Variants in CFAP299 observed in about 807,000 individuals in gnomAD.
CFAP299 encodes cilia- and flagella-associated protein 299.
CFAP299 carries 21 observed loss-of-function variants against 27.0 expected under a neutral mutation model. The ratio of observed to expected loss-of-function variants is 0.78; its 90% CI spans 0.55 to 1.12. The LOEUF (loss-of-function observed/expected upper bound fraction) is 1.12. Ranked by LOEUF, CFAP299 falls within the 50% of genes most tolerant of loss-of-function variation. The pLI is 0.00. For missense variants in CFAP299, 310 were observed against 276.6 expected, an observed-to-expected ratio of 1.12 and a Z score of -0.86; for synonymous variants, 104 against 98.1, an observed-to-expected ratio of 1.06 and a Z score of -0.36.
intron 2 of CFAP299, among the ~76,000 whole-genome samples, chr4:80,456,567 A>G (rs1194827174): frequency 6.6e-6 from 1 of 152,194 alleles, no homozygotes; most frequent in African/African-American, 2.4e-5. Context: ...AAGATGACTC[A>G]AGGATGACTT....
At chr4:80,943,670 A>G (rs1234199953) in intron 4 of CFAP299, among the ~76,000 whole-genome samples, 2 of 152,102 alleles carry the variant, frequency 1.3e-5, no homozygotes, top group East Asian at 1.9e-4. Flanking sequence ...ATAAGTGTAA[A>G]TATATTGAGG....
intron 2 of CFAP299, among the ~76,000 whole-genome samples, chr4:80,414,530 A>G (rs371556167): frequency 1.2e-4 from 19 of 152,356 alleles, no homozygotes; most frequent in African/African-American, 3.1e-4. Flanking sequence ...AGTTTAAGGA[A>G]TAAAATGAAG....
intron 3 of CFAP299, among the ~76,000 whole-genome samples, chr4:80,845,577 C>T (rs1034845494): frequency 2.0e-5 from 3 of 152,132 alleles, no homozygotes; most frequent in African/African-American, 7.2e-5. Flanking sequence ...AGAGTACTTG[C>T]TATTCCCTTT....
chr4:80,516,082 G>A (rs997693208), intron 2 of CFAP299, among the ~76,000 whole-genome samples: 56 of 146,986 alleles, frequency 3.8e-4, no homozygotes, highest in Middle Eastern at 3.5e-3. Flanking sequence ...GTGCAGTGGC[G>A]TGATCTTGGC....
chr4:80,913,994 G>A (rs1467590996), intron 4 of CFAP299, among the ~76,000 whole-genome samples: 2 of 152,080 alleles, frequency 1.3e-5, no homozygotes, highest in Non-Finnish European at 2.9e-5. Flanking sequence ...TAATGCTTTT[G>A]AGAGTCATCC....
chr4:80,448,832 T>C (rs921698788), intron 2 of CFAP299, among the ~76,000 whole-genome samples: 1 of 152,188 alleles, frequency 6.6e-6, no homozygotes, highest in African/African-American at 2.4e-5. Context: ...AATTATGACA[T>C]ATGCAATATA....
intron 3 of CFAP299, among the ~76,000 whole-genome samples, chr4:80,728,577 C>T (rs990379360): frequency 2.0e-5 from 3 of 152,258 alleles, no homozygotes; most frequent in Admixed American, 2.0e-4. Flanking sequence ...ATTAACCAAT[C>T]CAGAAGCCTG....
intron 2 of CFAP299, among the ~76,000 whole-genome samples, chr4:80,430,545 A>T (rs1727760716): frequency 6.6e-6 from 1 of 152,206 alleles, no homozygotes; most frequent in South Asian, 2.1e-4. Context: ...GGTCACAAGG[A>T]TGTTTGATTA....
At chr4:80,413,849 A>T (rs1726859372) in intron 2 of CFAP299, among the ~76,000 whole-genome samples, 1 of 142,722 alleles carries the variant, frequency 7.0e-6, no homozygotes, top group African/African-American at 2.6e-5. Flanking sequence ...CTTTCTGTCC[A>T]AGCAGTTAGA....
intron 3 of CFAP299, among the ~76,000 whole-genome samples, chr4:80,842,864 G>GTATT (rs1730939844): frequency 6.6e-6 from 1 of 152,080 alleles, no homozygotes; most frequent in African/African-American, 2.4e-5. Context: ...GTTTGAAGGG[G>GTATT]TATTCTTGCT....
intron 2 of CFAP299, among the ~76,000 whole-genome samples, chr4:80,371,424 C>A (rs538326465): frequency 6.6e-6 from 1 of 152,150 alleles, no homozygotes; most frequent in Non-Finnish European, 1.5e-5. Context: ...ATTTCTCCCC[C>A]CAAAATGAGT....
rs181269410 is a variant in CFAP299, at chr4:80,944,452, C to A, written c.477-358C>A. ...AAAGAGGTGATTTAGTGAGCCCTCC[C>A]TTCCAGTAAACAGTCTCTTAATACC... On this transcript the variant is annotated intron_variant, in intron 4 of 5. Coordinates refer to ENST00000358105, the MANE Select transcript of CFAP299 (RefSeq NM_152770.3). Among the ~76,000 whole-genome samples the A allele has an allele frequency of 4.1e-3, 617 of 152,276 alleles. 1 individual carries two copies. Among genetic ancestry groups the A allele is most frequent in the Middle Eastern group, 0.014 (4 of 294 alleles).
chr4:80,515,851 A>C (rs988132086), intron 2 of CFAP299, among the ~76,000 whole-genome samples: 1 of 152,182 alleles, frequency 6.6e-6, no homozygotes, highest in Admixed American at 6.5e-5. Flanking sequence ...CGACAAATGG[A>C]GAATTTCATA....
chr4:80,439,812 T>C (rs1376460834), intron 2 of CFAP299, among the ~76,000 whole-genome samples: 4 of 152,206 alleles, frequency 2.6e-5, no homozygotes, highest in African/African-American at 9.6e-5. Context: ...CGGGAAATTC[T>C]TGCTGCCATC....
intron 2 of CFAP299, among the ~76,000 whole-genome samples, chr4:80,454,192 G>T (rs1332298005): frequency 6.6e-6 from 1 of 152,126 alleles, no homozygotes; most frequent in Non-Finnish European, 1.5e-5. Flanking sequence ...CTGGGAGGAG[G>T]TGATCTTCTT....
At chr4:80,623,921 T>C (rs959274577) in intron 3 of CFAP299, among the ~76,000 whole-genome samples, 12 of 152,152 alleles carry the variant, frequency 7.9e-5, no homozygotes, top group Non-Finnish European at 2.9e-5. Flanking sequence ...CAGGCAGTTC[T>C]CAGTGTACGC....
intron 3 of CFAP299, among the ~76,000 whole-genome samples, chr4:80,676,597 G>A (rs1323062345): frequency 3.1e-4 from 47 of 151,914 alleles, no homozygotes; most frequent in Non-Finnish European, 2.9e-5. Context: ...TTTCTCTGAG[G>A]AAAGACTTTT....
At chr4:80,516,240 C>G (rs950045854) in intron 2 of CFAP299, among the ~76,000 whole-genome samples, 4 of 151,820 alleles carry the variant, frequency 2.6e-5, no homozygotes, top group Non-Finnish European at 5.9e-5. Context: ...AGGTTGGTCT[C>G]GAACTCCTGA....
chr4:80,819,808 G>A lies in CFAP299; in HGVS notation c.334-50185G>A, dbSNP rs576004423. Among the ~76,000 whole-genome samples, 123 of 152,132 alleles carry A rather than the reference G, an allele frequency of 8.1e-4. 1 individual carries two copies. Among genetic ancestry groups the A allele is most frequent in the Middle Eastern group, 3.4e-3 (1 of 292 alleles). The stretch of plus-strand genomic sequence containing the variant: ...AAAACAGTCTTATATTAAGCTTAGA[G>A]CCTTATATTAAGTTTAGACTCTAAA... On this transcript the variant is annotated intron_variant, in intron 3 of 5. Transcript: ENST00000358105.
Sources: allele counts gnomAD v4.1 joint callset (sites outside exome capture counted in the v4.1 genomes callset), GRCh38; gene constraint gnomAD v4.1.1; transcripts MANE v1.5; gene names NCBI Gene and HGNC (gene_info 2026-07-23, HGNC 2026-07-21).